Variants in FAM114A1 observed in about 807,000 individuals in gnomAD.
The protein encoded by FAM114A1 is protein NOXP20.
In FAM114A1, 62 loss-of-function variants were observed where a neutral mutation model predicts 64.3. The observed-to-expected ratio is 0.96, with a 90% CI of 0.79 to 1.19. The LOEUF is 1.19. Ranked by LOEUF, FAM114A1 falls within the 50% of genes most tolerant of loss-of-function variation. The pLI is 0.00. For missense variants in FAM114A1, 645 were observed against 676.3 expected (o/e 0.95, Z 0.51); for synonymous variants, 254 against 251.1 (o/e 1.01, Z -0.11).
chr4:38,904,012 C>T (rs1717758114), intron 4 of FAM114A1, among the ~76,000 whole-genome samples: 1 of 152,172 alleles, frequency 6.6e-6, no homozygotes, highest in South Asian at 2.1e-4. Flanking sequence ...ATGTGTTCCC[C>T]TTTCTTATTC....
In FAM114A1 at chr4:38,876,540, C is replaced by T. The variant is rs747144766; in HGVS notation, c.-8-1531C>T. ...GCCAGAGTCAATAATTTTAAAGATACAGGTATTACTCTTAGTTCCCATAGG... is the reference window on the plus strand; with the variant it reads ...GCCAGAGTCAATAATTTTAAAGATATAGGTATTACTCTTAGTTCCCATAGG... On this transcript the variant is annotated intron_variant, in intron 2 of 14. Transcript: ENST00000358869. Among the ~76,000 whole-genome samples the T allele has an allele frequency of 5.3e-5, 8 of 152,180 alleles. No homozygotes were observed. In the South Asian group the frequency reaches 1.4e-3, roughly 28 times the overall value.
intron 6 of FAM114A1, among the ~76,000 whole-genome samples, 178 bp downstream of exon 6, chr4:38,906,039 T>G (rs899687474): frequency 2.0e-5 from 3 of 152,100 alleles, no homozygotes; most frequent in Admixed American, 6.5e-5. Flanking sequence ...GGATTCAAAA[T>G]AATAAGGGCA....
rs969315574 is a variant in FAM114A1 at position 38,886,144 on chromosome 4, A to C, written c.349-5599A>C. 2.2e-4 allele frequency among the ~76,000 whole-genome samples: 34 copies of C among 152,092 alleles called. No individual in the cohort carries two copies. The South Asian group carries it at 2.3e-3, about 10-fold the overall frequency. On this transcript the variant is annotated intron_variant, in intron 3 of 14. Transcript: ENST00000358869. ...GTCTTGCTGTGGAGGGAGGATGGAC[A>C]AGGGAGGTGAATACAGAAGATAAGC... is the stretch of plus-strand genomic sequence containing the variant.
rs527475068 is a variant in FAM114A1, at chr4:38,921,066, A to G, written c.946-1704A>G. Among the ~76,000 whole-genome samples the G allele has an allele frequency of 1.3e-3, 193 of 152,354 alleles. 1 individual carries two copies. Among genetic ancestry groups the G allele is most frequent in the Middle Eastern group, 6.8e-3 (2 of 294 alleles). ...CCCGATGTGCTCATCTATTACCACA[A>G]TGAATATTAAAACCTATTCCAAAGA... On this transcript the variant is annotated intron_variant, in intron 8 of 14. Transcript: ENST00000358869.
chr4:38,905,853 C>T lies in FAM114A1; in HGVS notation c.649C>T (p.Gln217Ter). 1.2e-6 allele frequency: 2 copies of T among 1,611,190 alleles called. No homozygotes were observed. The highest frequency in any genetic ancestry group is 1.7e-6 in the Non-Finnish European group (2 of 1,179,288). The change falls in exon 6 of 15, where the codon CAA (glutamine) becomes TAA (stop). Residue 217 changes from glutamine to a stop codon, truncating the protein, a stop_gained. Transcript: ENST00000358869. LOFTEE classifies it high-confidence loss of function. ...GMLSAITNVV[Q>*]NTGKSVLTGG... ...GCTGTCTGCCATCACCAATGTGGTT[C>T]AAAACACAGTGAGTCGCTGGCTGCT...
intron 1 of FAM114A1, chr4:38,868,077 G>A (rs1713626518): frequency 2.4e-6 from 1 of 414,342 alleles, no homozygotes; most frequent in Non-Finnish European, 4.9e-6. Flanking sequence ...GTGTGAGTGT[G>A]TGTCGCTCCG....
At chr4:38,942,480 C>A (rs2011590) in intron 14 of FAM114A1, among the ~76,000 whole-genome samples, 1 of 151,882 alleles carries the variant, frequency 6.6e-6, no homozygotes, top group African/African-American at 2.4e-5. Context: ...TCTCCCCTGG[C>A]CACCCAGAAG....
intron 9 of FAM114A1, 94 bp downstream of exon 9, chr4:38,922,987 C>T: frequency 7.3e-7 from 1 of 1,364,206 alleles, no homozygotes; most frequent in Admixed American, 2.6e-5. Flanking sequence ...TTACTTAATT[C>T]AAGTGCTCCT....
intron 9 of FAM114A1, among the ~76,000 whole-genome samples, chr4:38,928,648 A>G (rs1356176470): frequency 6.6e-6 from 1 of 152,208 alleles, no homozygotes; most frequent in Non-Finnish European, 1.5e-5. Flanking sequence ...GTCCCTCAGT[A>G]GCTTCCAGGG....
At chr4:38,909,015 T>C (rs560650033) in intron 7 of FAM114A1, among the ~76,000 whole-genome samples, 28 of 152,358 alleles carry the variant, frequency 1.8e-4, no homozygotes, top group African/African-American at 4.8e-4. Flanking sequence ...AAAGTACATA[T>C]GTATGCATGT....
chr4:38,902,304 G>A (rs1430829504), intron 4 of FAM114A1, among the ~76,000 whole-genome samples: 1 of 152,150 alleles, frequency 6.6e-6, no homozygotes, highest in Non-Finnish European at 1.5e-5. Context: ...ACAGTGTTAG[G>A]ACATAGTAAG....
At chr4:38,927,641 C>T (rs574771217) in intron 9 of FAM114A1, among the ~76,000 whole-genome samples, 1 of 152,122 alleles carries the variant, frequency 6.6e-6, no homozygotes, top group Non-Finnish European at 1.5e-5. Context: ...CTCCATAAAA[C>T]GTATCCCTTG....
intron 9 of FAM114A1, 140 bp downstream of exon 9, chr4:38,923,033 T>C: frequency 2.0e-6 from 2 of 984,688 alleles, no homozygotes; most frequent in Non-Finnish European, 2.9e-6. Flanking sequence ...GCATCTGCTC[T>C]TGTTACAGGA....
intron 3 of FAM114A1, among the ~76,000 whole-genome samples, chr4:38,890,264 G>T (rs987689190): frequency 6.6e-6 from 1 of 152,060 alleles, no homozygotes; most frequent in African/African-American, 2.4e-5. Flanking sequence ...TCAGCCAGGC[G>T]TGGTGGTGCG....
At chr4:38,939,396 G>A (rs1333346579) in intron 13 of FAM114A1, among the ~76,000 whole-genome samples, 1 of 152,164 alleles carries the variant, frequency 6.6e-6, no homozygotes, top group East Asian at 1.9e-4. Context: ...AAGTTAATGA[G>A]TGTGTATTGC....
intron 1 of FAM114A1, chr4:38,868,073 G>T: frequency 2.4e-6 from 1 of 415,650 alleles, no homozygotes; most frequent in Non-Finnish European, 4.9e-6. Context: ...GTGTGTGTGA[G>T]TGTGTGTCGC....
intron 3 of FAM114A1, among the ~76,000 whole-genome samples, chr4:38,890,611 T>C (rs1716265909): frequency 6.6e-6 from 1 of 152,152 alleles, no homozygotes; most frequent in South Asian, 2.1e-4. Context: ...AGGTAACTCA[T>C]AGAATATTTA....
intron 4 of FAM114A1, among the ~76,000 whole-genome samples, chr4:38,899,427 C>T (rs911057137): frequency 6.6e-6 from 1 of 152,048 alleles, no homozygotes; most frequent in Non-Finnish European, 1.5e-5. Context: ...AAGGGCAATT[C>T]AAAGGGAGGC....
At chr4:38,906,880 TAGTC>T (rs1381666291) in intron 6 of FAM114A1, among the ~76,000 whole-genome samples, 4 of 152,222 alleles carry the variant, frequency 2.6e-5, no homozygotes, top group Non-Finnish European at 5.9e-5. Context: ...GTGTCTCATT[TAGTC>T]ATTCATTCAT....
Sources: allele counts gnomAD v4.1 joint callset (sites outside exome capture counted in the v4.1 genomes callset), GRCh38; gene constraint gnomAD v4.1.1; transcripts MANE v1.5; gene names NCBI Gene and HGNC (gene_info 2026-07-23, HGNC 2026-07-21).